The following NUP54 variants were observed in gnomAD, a reference collection of about 807,000 sequenced individuals.
NUP54 encodes the protein nucleoporin p54.
Under a neutral mutation model 66.4 loss-of-function variants are expected in NUP54, and 27 were observed. The observed-to-expected ratio is 0.41, with a 90% confidence interval of 0.30 to 0.56. The LOEUF is 0.56. Ranked by LOEUF, NUP54 falls within the 20% of genes least tolerant of loss-of-function variation. The pLI is 0.34. For missense variants in NUP54, 486 were observed against 596.3 expected (o/e 0.82, Z 1.93); for synonymous variants, 206 against 210.7 (o/e 0.98, Z 0.19).
chr4:76,125,848 GA>G (rs1403554355), intron 8 of NUP54, among the ~76,000 whole-genome samples: 15 of 83,342 alleles, frequency 1.8e-4, no homozygotes, highest in African/African-American at 4.8e-4. Context: ...GAGAGAGGGA[GA>G]GAGGGGGAGG....
At position 76,126,893 on chromosome 4, in the gene NUP54, A is replaced by G. The variant is rs190839106; in HGVS notation, c.1057-2137T>C. Among the ~76,000 whole-genome samples the G allele has an allele frequency of 2.0e-4, 30 of 152,290 alleles. No homozygotes were observed. In the East Asian group the frequency reaches 5.4e-3, roughly 27 times the overall value. On this transcript the variant is annotated intron_variant, in intron 8 of 11. Transcript: ENST00000264883. ...TTCTAAAGTTTTTATGGAAGAATAA[A>G]GACCCATAAAGACCCAGAAAACTTT...
At chr4:76,145,317 CAAAA>C (rs58518890) in intron 1 of NUP54, among the ~76,000 whole-genome samples, 2,986 of 101,570 alleles carry the variant, frequency 0.029, 94 homozygotes, top group African/African-American at 0.098. Flanking sequence ...GACTCCGTCT[CAAAA>C]AAAAAAAAAA....
In NUP54 at chr4:76,135,585, T is replaced by C. The variant is rs929563315; in HGVS notation, c.522+601A>G. 6.6e-5 allele frequency among the ~76,000 whole-genome samples: 10 copies of C among 152,306 alleles called. No individual in the cohort carries two copies. In the East Asian group the frequency reaches 1.2e-3, roughly 18 times the overall value. On this transcript the variant is annotated intron_variant, in intron 4 of 11. Transcript: ENST00000264883. ...AAACACAGGGTTATGTACATATTGA[T>C]TAGGTTTAAGAGACCAACGTAGGCC...
intron 3 of NUP54, among the ~76,000 whole-genome samples, chr4:76,143,370 C>T (rs1319079383): frequency 1.3e-5 from 2 of 152,190 alleles, no homozygotes; most frequent in African/African-American, 4.8e-5. Context: ...CTTTGGGAGG[C>T]CGAGGCAGGC....
At chr4:76,133,005 C>T (rs575229164) in intron 5 of NUP54, among the ~76,000 whole-genome samples, 1 of 150,332 alleles carries the variant, frequency 6.7e-6, no homozygotes, top group South Asian at 2.1e-4. Flanking sequence ...ACACCCGCTA[C>T]GTTTAGCTTA....
intron 3 of NUP54, among the ~76,000 whole-genome samples, chr4:76,141,602 T>C (rs1238187217): frequency 6.6e-6 from 1 of 152,174 alleles, no homozygotes; most frequent in Non-Finnish European, 1.5e-5. Context: ...TTCTCTCCAT[T>C]CTTAACTGTC....
chr4:76,138,831 T>C (rs964542526), intron 3 of NUP54, among the ~76,000 whole-genome samples: 4 of 151,972 alleles, frequency 2.6e-5, no homozygotes, highest in Non-Finnish European at 5.9e-5. Flanking sequence ...GGACTAACAA[T>C]GAGGTAGGAA....
chr4:76,118,342 C>G, intron 9 of NUP54, 148 bp from the exon 10 acceptor site: 1 of 690,834 alleles, frequency 1.4e-6, no homozygotes, highest in East Asian at 2.7e-5. Flanking sequence ...ATGTTTCTGT[C>G]CATTTTAACT....
At chr4:76,135,951 C>G (rs867033447) in intron 4 of NUP54, among the ~76,000 whole-genome samples, 2 of 152,166 alleles carry the variant, frequency 1.3e-5, no homozygotes, top group African/African-American at 2.4e-5. Context: ...TTTTTTTCTT[C>G]AGTTATAAAT....
chr4:76,147,851 G>A (rs1272198807), intron 1 of NUP54: 1 of 342,058 alleles, frequency 2.9e-6, no homozygotes, highest in Non-Finnish European at 5.7e-6. Context: ...GAGGACCACA[G>A]GGGGCCGGGG....
rs750862976 is a variant in NUP54, at chr4:76,131,273, T to A, written c.919A>T (p.Ile307Phe). Reference sequence around the variant, plus strand: ...TCTACCTTGGCCTGTTCCCAGATAATAGGATCAACACCTACCACAAATAAA... The same window carrying A: ...TCTACCTTGGCCTGTTCCCAGATAAAAGGATCAACACCTACCACAAATAAA... The part of the protein sequence containing the change: ...LQNPPAGVDP[I>F]IWEQAKVDNP... Residue 307 changes from isoleucine (I) to phenylalanine (F), a missense_variant, in exon 7 of 12, where the codon ATT becomes TTT. Transcript: ENST00000264883. The A allele has an allele frequency of 1.3e-6, 2 of 1,587,054 alleles. No homozygotes were observed. Among genetic ancestry groups the A allele is most frequent in the Non-Finnish European group, 1.7e-6 (2 of 1,160,648 alleles).
Position 76,131,222 on chromosome 4 carries a change from ATACT to A in NUP54, c.962+4_962+7del. ...TTCTTAAATGAAACAAGATGAAGAC[ATACT>A]TACTTTTCAGAATCAGGGTTATCTA... is the stretch of plus-strand genomic sequence containing the variant. On this transcript the variant is annotated splice_donor_5th_base_variant and intron_variant, in intron 7 of 11. Transcript: ENST00000264883. The A allele has an allele frequency of 6.4e-7, 1 of 1,560,752 alleles. No homozygotes were observed. The highest frequency in any genetic ancestry group is 8.8e-7 in the Non-Finnish European group (1 of 1,136,850).
At position 76,144,407 on chromosome 4, in the gene NUP54, G is replaced by A; in HGVS notation, c.134C>T (p.Thr45Ile). 6.2e-7 allele frequency: 1 copy of A among 1,609,702 alleles called. No homozygotes were observed. Among genetic ancestry groups the A allele is most frequent in the Non-Finnish European group, 8.5e-7 (1 of 1,178,894 alleles). The change falls in exon 2 of 12, where the codon ACT (threonine) becomes ATT (isoleucine). Residue 45 changes from threonine to isoleucine, a missense_variant. Thr to Ile is a moderately conservative substitution (Grantham distance 89). Around this residue, in one of 4 missense-constraint regions of NUP54, gnomAD observed 145 missense variants for 137.1 expected, o/e 1.06. Coordinates refer to ENST00000264883, the MANE Select transcript of NUP54 (RefSeq NM_017426.4). ...CCTCTTACCAGTAGTGCCTGTGTTA[G>A]TTGGGGCAGAAAAGCTGAATGCAGA... The part of the protein sequence containing the change: ...AGSAFSFSAP[T>I]NTGTTGLFGG...
intron 8 of NUP54, among the ~76,000 whole-genome samples, chr4:76,127,067 T>C (rs1560680494): frequency 6.6e-6 from 1 of 152,122 alleles, no homozygotes; most frequent in Non-Finnish European, 1.5e-5. Context: ...ATAGATCACA[T>C]ATATATATGC....
At chr4:76,129,863 CAAAAAAAAAAA>C (rs747413034) in intron 8 of NUP54, among the ~76,000 whole-genome samples, 1 of 37,614 alleles carries the variant, frequency 2.7e-5, no homozygotes, top group South Asian at 1.5e-3. Flanking sequence ...AGAGACGTCT[CAAAAAAAAAAA>C]AAAAAAAAAA....
chr4:76,129,172 T>C (rs766707048), intron 8 of NUP54, among the ~76,000 whole-genome samples: 1 of 152,162 alleles, frequency 6.6e-6, no homozygotes, highest in Non-Finnish European at 1.5e-5. Flanking sequence ...TGTATTGAAT[T>C]ATCACACTAT....
intron 3 of NUP54, among the ~76,000 whole-genome samples, chr4:76,139,716 G>C (rs12499900): frequency 0.16 from 24,844 of 152,138 alleles, 3,200 homozygotes; most frequent in African/African-American, 0.35. Context: ...CATTTTTAAA[G>C]AGAGAAGTAT....
chr4:76,134,370 A>G lies in NUP54; in HGVS notation c.523-8T>C. ...GCAACTATAACCTACTGCCTGTGGA[A>G]TGACAAAATAAACAATATAAAAAAT... On this transcript the variant is annotated splice_region_variant and splice_polypyrimidine_tract_variant and intron_variant, in intron 4 of 11. Transcript: ENST00000264883. 2.5e-6 allele frequency: 4 copies of G among 1,603,348 alleles called. No individual in the cohort carries two copies. In the South Asian group the frequency reaches 4.5e-5, roughly 18 times the overall value.
chr4:76,143,477 GC>G (rs1403351504), intron 3 of NUP54, among the ~76,000 whole-genome samples: 4 of 152,142 alleles, frequency 2.6e-5, no homozygotes, highest in African/African-American at 9.7e-5. Flanking sequence ...GGTGGTGTGC[GC>G]CTGTAGTCCC....
Sources: allele counts gnomAD v4.1 joint callset (sites outside exome capture counted in the v4.1 genomes callset), GRCh38; gene constraint gnomAD v4.1.1; regional missense constraint gnomAD v4.1.1; transcripts MANE v1.5; gene names NCBI Gene and HGNC (gene_info 2026-07-23, HGNC 2026-07-21).